Variants in SEL1L2 observed in about 807,000 individuals in gnomAD.
SEL1L2 encodes SEL1L2 adaptor subunit of SYVN1 ubiquitin ligase.
SEL1L2 carries 89 observed loss-of-function variants against 98.8 expected under a neutral mutation model. The ratio of observed to expected loss-of-function variants is 0.90; its 90% CI spans 0.76 to 1.07. The LOEUF (loss-of-function observed/expected upper bound fraction) is 1.07, where lower values mean the gene tolerates loss of function less well. Among genes scored for constraint, SEL1L2 ranks in the 50% least tolerant of loss-of-function variants. The probability of loss-of-function intolerance (pLI) is 0.00; values close to 1 mark genes in which losing one functional copy is unlikely to be tolerated. For synonymous variants in SEL1L2, 262 were observed against 278.5 expected (o/e 0.94, Z 0.59); for missense variants, 788 against 812.0 (o/e 0.97, Z 0.36).
intron 1 of SEL1L2, among the ~76,000 whole-genome samples, chr20:13,956,729 T>A (rs1342997359): frequency 6.6e-6 from 1 of 152,174 alleles, no homozygotes; most frequent in Non-Finnish European, 1.5e-5. Context: ...AATACATGCA[T>A]AATCATTGGC....
chr20:13,957,089 T>C (rs1198749934), intron 1 of SEL1L2, among the ~76,000 whole-genome samples: 1 of 151,946 alleles, frequency 6.6e-6, no homozygotes, highest in Non-Finnish European at 1.5e-5. Flanking sequence ...TATTTATTAA[T>C]TAATTAATTT....
At position 13,888,014 on chromosome 20, in the gene SEL1L2, C is replaced by G; in HGVS notation, c.604-13G>C. Reference sequence around the variant, plus strand: ...AATATATCAGTGCCTAAAGTAAAAACAAACAAACAAAAAACCCCCCAAACC... The same window carrying G: ...AATATATCAGTGCCTAAAGTAAAAAGAAACAAACAAAAAACCCCCCAAACC... On this transcript the variant is annotated splice_polypyrimidine_tract_variant and intron_variant, in intron 6 of 19. Transcript: ENST00000284951. 6.2e-7 allele frequency: 1 copy of G among 1,608,344 alleles called. No homozygotes were observed. The highest frequency in any genetic ancestry group is 8.5e-7 in the Non-Finnish European group (1 of 1,177,940).
intron 2 of SEL1L2, among the ~76,000 whole-genome samples, chr20:13,941,303 T>A (rs2049765301): frequency 6.6e-6 from 1 of 152,198 alleles, no homozygotes; most frequent in South Asian, 2.1e-4. Context: ...TTCACAAGAA[T>A]GTTTTGATAT....
Position 13,888,442 on chromosome 20 carries a change from AACAGAATGATCTTT to A in SEL1L2, c.603+3_603+16del. On this transcript the variant is annotated splice_donor_5th_base_variant and intron_variant, in intron 6 of 19. Transcript: ENST00000284951. Reference sequence around the variant, plus strand: ...AGAAATCAATTTTGTTCCAGAATAAAACAGAATGATCTTTACCTTAGCTTGATCATATTCCATTC... The same window carrying A: ...AGAAATCAATTTTGTTCCAGAATAAAACCTTAGCTTGATCATATTCCATTC... The A allele has an allele frequency of 6.7e-7, 1 of 1,500,874 alleles. No individual in the cohort carries two copies. The highest frequency in any genetic ancestry group is 9.2e-7 in the Non-Finnish European group (1 of 1,090,104). The allele number at this position is 1,500,874 out of a possible 1,614,324, so 93.0% of individuals were successfully genotyped here.
intron 3 of SEL1L2, among the ~76,000 whole-genome samples, chr20:13,921,080 C>T (rs1266797926): frequency 6.6e-6 from 1 of 152,136 alleles, no homozygotes; most frequent in Non-Finnish European, 1.5e-5. Flanking sequence ...AAGATTGGCT[C>T]TGTATACATA....
In SEL1L2 at chr20:13,899,523, A is replaced by T. The variant is rs536735286; in HGVS notation, c.550-11011T>A. 7.9e-5 allele frequency among the ~76,000 whole-genome samples: 12 copies of T among 152,330 alleles called. No individual in the cohort carries two copies. The East Asian group carries it at 2.3e-3, about 29-fold the overall frequency. On this transcript the variant is annotated intron_variant, in intron 5 of 19. Coordinates refer to ENST00000284951, the MANE Select transcript of SEL1L2 (RefSeq NM_025229.2). The stretch of plus-strand genomic sequence containing the variant: ...CTCTGCACTGGAGGTAACAGAAATC[A>T]ACAAGAAAGTCAAAGCCTGTGTCCT...
chr20:13,963,938 C>A (rs2050902989), intron 1 of SEL1L2, among the ~76,000 whole-genome samples: 1 of 152,100 alleles, frequency 6.6e-6, no homozygotes, highest in African/African-American at 2.4e-5. Context: ...AAGGCACCAT[C>A]TCAGCTCTCT....
chr20:13,926,076 T>C (rs2048879954), intron 3 of SEL1L2, among the ~76,000 whole-genome samples: 1 of 152,196 alleles, frequency 6.6e-6, no homozygotes. Flanking sequence ...CCCAGCGCTT[T>C]GGGAGGACAA....
chr20:13,867,312 C>T (rs1261271966), intron 14 of SEL1L2, among the ~76,000 whole-genome samples: 4 of 152,216 alleles, frequency 2.6e-5, no homozygotes, highest in African/African-American at 9.6e-5. Context: ...TCTCACCAAA[C>T]TCCTGCTTAG....
At chr20:13,924,503 G>A (rs368514228) in intron 3 of SEL1L2, among the ~76,000 whole-genome samples, 2 of 151,662 alleles carry the variant, frequency 1.3e-5, no homozygotes, top group South Asian at 4.1e-4. Context: ...ATAGCCCACT[G>A]TAATCTCAAA....
At chr20:13,896,954 A>G (rs144698944) in intron 5 of SEL1L2, among the ~76,000 whole-genome samples, 3 of 152,220 alleles carry the variant, frequency 2.0e-5, no homozygotes, top group African/African-American at 7.2e-5. Flanking sequence ...TAGCCAAAAC[A>G]ATCTTGAGAA....
intron 2 of SEL1L2, among the ~76,000 whole-genome samples, chr20:13,933,064 G>T (rs919694516): frequency 6.6e-6 from 1 of 151,894 alleles, no homozygotes; most frequent in Non-Finnish European, 1.5e-5. Flanking sequence ...AAAAAAATTC[G>T]CCAGGCCTGG....
intron 14 of SEL1L2, among the ~76,000 whole-genome samples, chr20:13,867,145 C>T (rs1306311884): frequency 2.0e-5 from 3 of 152,136 alleles, no homozygotes; most frequent in Non-Finnish European, 4.4e-5. Context: ...AAAATTAATG[C>T]AAAGGAGACC....
intron 18 of SEL1L2, among the ~76,000 whole-genome samples, chr20:13,852,581 C>G (rs537577968): frequency 3.7e-4 from 56 of 152,308 alleles, no homozygotes; most frequent in African/African-American, 1.2e-3. Context: ...ACTACATACC[C>G]AGTCCACTTA....
chr20:13,883,024 T>G (rs1197244820), intron 10 of SEL1L2, among the ~76,000 whole-genome samples: 14 of 151,716 alleles, frequency 9.2e-5, no homozygotes, highest in African/African-American at 4.8e-5. Flanking sequence ...GTTTCACCGT[T>G]TTAGCCAGGA....
chr20:13,920,974 T>A (rs2048641634), intron 3 of SEL1L2, among the ~76,000 whole-genome samples: 1 of 152,160 alleles, frequency 6.6e-6, no homozygotes, highest in Non-Finnish European at 1.5e-5. Context: ...TACTTCTAAT[T>A]AAAGGGGGAA....
At chr20:13,906,721 C>G (rs1244450644) in intron 5 of SEL1L2, among the ~76,000 whole-genome samples, 1 of 152,194 alleles carries the variant, frequency 6.6e-6, no homozygotes, top group East Asian at 1.9e-4. Flanking sequence ...CTCTGTCACC[C>G]AGGCTGGAGT....
At chr20:13,904,297 G>A (rs1600688799) in intron 5 of SEL1L2, among the ~76,000 whole-genome samples, 2 of 152,308 alleles carry the variant, frequency 1.3e-5, no homozygotes, top group East Asian at 3.9e-4. Context: ...GGGAGGCCGA[G>A]GTGAGCAGAT....
At chr20:13,983,633 C>T (rs907132620) in intron 1 of SEL1L2, among the ~76,000 whole-genome samples, 6 of 151,870 alleles carry the variant, frequency 4.0e-5, no homozygotes, top group East Asian at 1.9e-4. Flanking sequence ...GCGATTCTCC[C>T]GCCTCAGCCT....
Sources: allele counts gnomAD v4.1 joint callset (sites outside exome capture counted in the v4.1 genomes callset), GRCh38; gene constraint gnomAD v4.1.1; transcripts MANE v1.5; gene names NCBI Gene and HGNC (gene_info 2026-07-23, HGNC 2026-07-21).